Variants in PCP4L1 observed in about 807,000 individuals in gnomAD.
PCP4L1 encodes Purkinje cell protein 4-like protein 1.
A neutral mutation model predicts 9.6 loss-of-function variants in PCP4L1; 9 were observed. The ratio of observed to expected loss-of-function variants is 0.94; its 90% confidence interval spans 0.57 to 1.64. The LOEUF (loss-of-function observed/expected upper bound fraction) is 1.64. Ranked by LOEUF, PCP4L1 falls within the 40% of genes most tolerant of loss-of-function variation. The pLI is 0.00. For synonymous variants in PCP4L1, 31 were observed against 28.2 expected (o/e 1.10, Z -0.31); for missense variants, 81 against 80.8 (o/e 1.00, Z -0.01).
Position 161,284,507 on chromosome 1 carries a change from ACCTTCATGCTGGTC to A in PCP4L1, c.*32_*45del. On this transcript the variant is annotated 3_prime_UTR_variant, in exon 3 of 3. Coordinates refer to ENST00000504449, the MANE Select transcript of PCP4L1 (RefSeq NM_001102566.2). The stretch of plus-strand genomic sequence containing the variant: ...ATGGCCAGGCTTGCCCTTCACCTTC[ACCTTCATGCTGGTC>A]CCTTCTCTCCCCTTCTCCACACCCA... 2 of 1,604,952 alleles carry A rather than the reference ACCTTCATGCTGGTC, an allele frequency of 1.2e-6. No homozygotes were observed. The highest frequency in any genetic ancestry group is 2.2e-5 in the South Asian group (2 of 89,764).
rs539872397 is a variant in PCP4L1, at chr1:161,262,433, CA to C, written c.9+3473del. On this transcript the variant is annotated intron_variant, in intron 1 of 2. Coordinates refer to ENST00000504449, the MANE Select transcript of PCP4L1 (RefSeq NM_001102566.2). ...TGGGCGACAGAGCGAGACTCCATCT[CA>C]AAAAAAAAAAAAAAAAAAAAAAGAA... Among the ~76,000 whole-genome samples, 313 of 63,156 alleles carry C rather than the reference CA, an allele frequency of 5.0e-3. 1 individual carries two copies. Among genetic ancestry groups the C allele is most frequent in the East Asian group, 0.015 (27 of 1,812 alleles). The allele number at this position is 63,156 out of a possible 152,430, so 41.4% of individuals were successfully genotyped here. A position where few individuals can be genotyped will look rare whatever the true frequency, so the allele number is the denominator to read the frequency against.
At chr1:161,263,243 GT>G (rs1232936673) in intron 1 of PCP4L1, among the ~76,000 whole-genome samples, 2 of 125,668 alleles carry the variant, frequency 1.6e-5, no homozygotes. Flanking sequence ...TTTTGTTTTT[GT>G]TTTTTTTTGG....
At position 161,284,732 on chromosome 1, in the gene PCP4L1, G is replaced by T; in HGVS notation, c.*251G>T. 1.9e-6 allele frequency: 1 copy of T among 530,106 alleles called. No individual in the cohort carries two copies. Among genetic ancestry groups the T allele is most frequent in the Non-Finnish European group, 3.4e-6 (1 of 297,436 alleles). The allele number at this position is 530,106 out of a possible 1,614,324, so 32.8% of individuals were successfully genotyped here. On this transcript the variant is annotated 3_prime_UTR_variant, in exon 3 of 3. Transcript: ENST00000504449. Reference sequence around the variant, plus strand: ...ATTTCTTCTTGGTATAAGGTTCTTTGATCAGTAGCTATGCCTGCCCTGTAG... The same window carrying T: ...ATTTCTTCTTGGTATAAGGTTCTTTTATCAGTAGCTATGCCTGCCCTGTAG...
chr1:161,259,046 G>A (rs1669374277), intron 1 of PCP4L1, 63 bp downstream of exon 1: 2 of 1,517,288 alleles, frequency 1.3e-6, no homozygotes, highest in South Asian at 2.4e-5. Context: ...TGCGGCTCGG[G>A]ATCCCAGGGA....
chr1:161,268,513 T>A (rs1182347025), intron 1 of PCP4L1, among the ~76,000 whole-genome samples: 1 of 152,056 alleles, frequency 6.6e-6, no homozygotes, highest in Non-Finnish European at 1.5e-5. Flanking sequence ...TAATATGTGC[T>A]ATGTATTTTA....
At chr1:161,275,861 T>A (rs1271698762) in intron 1 of PCP4L1, among the ~76,000 whole-genome samples, 1 of 150,622 alleles carries the variant, frequency 6.6e-6, no homozygotes, top group East Asian at 2.0e-4. Context: ...AGTGGTGTGA[T>A]CTCAGCTCAT....
intron 1 of PCP4L1, among the ~76,000 whole-genome samples, chr1:161,261,266 A>G (rs1669412372): frequency 6.6e-6 from 1 of 152,228 alleles, no homozygotes; most frequent in African/African-American, 2.4e-5. Context: ...CAACTGAAGA[A>G]CAAAACCAGG....
At position 161,259,109 on chromosome 1, in the gene PCP4L1, C is replaced by A. The variant is rs1669376457; in HGVS notation, c.9+126C>A. On this transcript the variant is annotated intron_variant, in intron 1 of 2. Transcript: ENST00000504449. ...CCGCGAAGAACCCTCCAGGGGCGCC[C>A]CACTGCCCTCCTAGGAAAGCTCCCA... is the stretch of plus-strand genomic sequence containing the variant. 4.5e-5 allele frequency: 60 copies of A among 1,324,238 alleles called. 1 individual carries two copies. In the South Asian group the frequency reaches 9.0e-4, roughly 20 times the overall value. The allele number at this position is 1,324,238 out of a possible 1,614,324, so 82.0% of individuals were successfully genotyped here.
intron 1 of PCP4L1, among the ~76,000 whole-genome samples, chr1:161,270,521 G>A (rs1669604805): frequency 7.8e-6 from 1 of 128,348 alleles, no homozygotes; most frequent in Admixed American, 9.1e-5. Flanking sequence ...CATGAGGGCA[G>A]AGCCCTCATA....
chr1:161,273,083 A>C (rs1281818489), intron 1 of PCP4L1, among the ~76,000 whole-genome samples: 1 of 152,228 alleles, frequency 6.6e-6, no homozygotes, highest in African/African-American at 2.4e-5. Flanking sequence ...GGGAAGGGAG[A>C]ATCTGCAGCT....
At chr1:161,272,117 A>C (rs1465441914) in intron 1 of PCP4L1, among the ~76,000 whole-genome samples, 1 of 150,840 alleles carries the variant, frequency 6.6e-6, no homozygotes, top group Non-Finnish European at 1.5e-5. Flanking sequence ...AATTGTACAT[A>C]TTCATGGGGG....
chr1:161,284,275 G>C, intron 2 of PCP4L1, 64 bp from the exon 3 acceptor site: 3 of 1,609,126 alleles, frequency 1.9e-6, no homozygotes, highest in Non-Finnish European at 2.6e-6. Context: ...TGTATTGGGG[G>C]CCTGGAGAAA....
At chr1:161,278,181 C>T (rs556736770) in intron 1 of PCP4L1, among the ~76,000 whole-genome samples, 1 of 152,238 alleles carries the variant, frequency 6.6e-6, no homozygotes, top group Admixed American at 6.5e-5. Context: ...TGTCCAATTC[C>T]TCCACCGCCC....
At chr1:161,283,078 C>T (rs967442179) in intron 1 of PCP4L1, among the ~76,000 whole-genome samples, 1 of 152,128 alleles carries the variant, frequency 6.6e-6, no homozygotes, top group African/African-American at 2.4e-5. Flanking sequence ...TCTGCTTCCA[C>T]CCCCAGTTAA....
chr1:161,281,237 A>G (rs1292893487), intron 1 of PCP4L1, among the ~76,000 whole-genome samples: 3 of 151,996 alleles, frequency 2.0e-5, no homozygotes, highest in Non-Finnish European at 2.9e-5. Context: ...TCCCATGTCT[A>G]CTTCTTTCTA....
At chr1:161,277,986 G>A (rs1185744878) in intron 1 of PCP4L1, among the ~76,000 whole-genome samples, 2 of 151,898 alleles carry the variant, frequency 1.3e-5, no homozygotes, top group Admixed American at 6.6e-5. Context: ...TATTCTTATC[G>A]AAGGGCAACC....
In PCP4L1 at chr1:161,284,422, C is replaced by G. The variant is rs1219635807; in HGVS notation, c.148C>G (p.Leu50Val). ...LTAPETEKAA[L>V]AIQGKFRRFQ... ...AGCACCAGAAACAGAGAAGGCTGCCCTTGCTATTCAGGGCAAGTTCCGGCG... is the reference window on the plus strand; with the variant it reads ...AGCACCAGAAACAGAGAAGGCTGCCGTTGCTATTCAGGGCAAGTTCCGGCG... The change falls in exon 3 of 3, where the codon CTT (leucine) becomes GTT (valine). Residue 50 changes from leucine to valine, a missense_variant. Transcript: ENST00000504449. 6.2e-7 allele frequency: 1 copy of G among 1,613,988 alleles called. No homozygotes were observed. The highest frequency in any genetic ancestry group is 8.5e-7 in the Non-Finnish European group (1 of 1,179,892).
chr1:161,268,380 T>C (rs946316048), intron 1 of PCP4L1, among the ~76,000 whole-genome samples: 4 of 152,210 alleles, frequency 2.6e-5, no homozygotes, highest in African/African-American at 9.7e-5. Flanking sequence ...AACTACTCTG[T>C]GGCAACTCCA....
At chr1:161,279,642 T>C (rs1669760513) in intron 1 of PCP4L1, among the ~76,000 whole-genome samples, 1 of 152,198 alleles carries the variant, frequency 6.6e-6, no homozygotes, top group African/African-American at 2.4e-5. Flanking sequence ...AAGAATTAGA[T>C]GAGAAAACAT....
Sources: allele counts gnomAD v4.1 joint callset (sites outside exome capture counted in the v4.1 genomes callset), GRCh38; gene constraint gnomAD v4.1.1; transcripts MANE v1.5; gene names NCBI Gene and HGNC (gene_info 2026-07-23, HGNC 2026-07-21).